TCF7: variants seen among roughly 807,000 people sequenced by gnomAD.
The protein encoded by TCF7 is T-cell-factor-7.
A neutral mutation model predicts 46.8 loss-of-function variants in TCF7; 19 were observed. That is an observed-to-expected ratio of 0.41 (90% CI 0.28 to 0.60). The LOEUF (loss-of-function observed/expected upper bound fraction) is 0.60. Among genes scored for constraint, TCF7 ranks in the 20% least tolerant of loss-of-function variants. The pLI is 0.35. For synonymous variants in TCF7, 245 were observed against 213.4 expected (o/e 1.15, Z -1.29); for missense variants, 547 against 504.6 (o/e 1.08, Z -0.81).
Position 134,115,377 on chromosome 5 carries a change from C to T in TCF7, c.306C>T (p.Pro102=), listed in dbSNP as rs750198488. The T allele has an allele frequency of 7.8e-5, 125 of 1,602,264 alleles. No homozygotes were observed. Among genetic ancestry groups the T allele is most frequent in the Non-Finnish European group, 9.9e-5 (116 of 1,175,230 alleles). The change falls in exon 2 of 10, where the codon CCC becomes CCT. Residue 102 remains proline, a synonymous_variant. Transcript: ENST00000342854. The stretch of plus-strand genomic sequence containing the variant: ...TCTTCCCGGACAAACTTCCAGAGCC[C>T]CTGGAGGACGGTGAGTTTCTGCCCG... ...QRLFPDKLPE[P]LEDGLKAPEC...
rs1291344405 is a variant in TCF7, at chr5:134,146,224, G to A, written c.1076G>A (p.Gly359Glu). 4.3e-6 allele frequency: 7 copies of A among 1,614,170 alleles called. No individual in the cohort carries two copies. The highest frequency in any genetic ancestry group is 1.7e-5 in the Admixed American group (1 of 60,024). Residue 359 changes from glycine (G) to glutamate (E), a missense_variant and splice_region_variant, in exon 10 of 10, where the codon GGA (glycine) becomes GAA (glutamate). Gly to Glu is a moderately conservative substitution (Grantham distance 98, BLOSUM62 -2). This residue lies in a region of TCF7 where 90 missense variants were observed against 88.8 expected (regional missense o/e 1.01). Coordinates refer to ENST00000342854, the MANE Select transcript of TCF7 (RefSeq NM_003202.5). ...SREKHQESTT[G>E]GKRNAFGTYP... ...AGATAACTCTCTTCACTATTCCTAG[G>A]AGGAAAAAGAAATGCATTCGGTACT...
Position 134,114,815 on chromosome 5 carries a change from G to T in TCF7, c.-92G>T. 1 of 977,384 alleles carries T rather than the reference G, an allele frequency of 1.0e-6. No individual in the cohort carries two copies. Among genetic ancestry groups the T allele is most frequent in the Non-Finnish European group, 1.2e-6 (1 of 824,790 alleles). The allele number at this position is 977,384 out of a possible 1,614,324, so 60.5% of individuals were successfully genotyped here. ...CGCCCGCCGCGATCCGAGCTCGGAGGTTCGGACTCCGGGCTCGCCGCCCCC... is the reference window on the plus strand; with the variant it reads ...CGCCCGCCGCGATCCGAGCTCGGAGTTTCGGACTCCGGGCTCGCCGCCCCC... On this transcript the variant is annotated 5_prime_UTR_variant, in exon 1 of 10. Transcript: ENST00000342854.
rs1760857182 is a variant in TCF7 at position 134,147,627 on chromosome 5, G to A, written c.*1324G>A. On this transcript the variant is annotated 3_prime_UTR_variant, in exon 10 of 10. Transcript: ENST00000342854. ...TTTTTGAGCCAAGCTTCAACCCTCA[G>A]CCTTGAAAAACAAGTCTTTAATTTA... 6.6e-6 allele frequency: 1 copy of A among 152,530 alleles called. No individual in the cohort carries two copies. Among genetic ancestry groups the A allele is most frequent in the South Asian group, 2.1e-4 (1 of 4,834 alleles). 9.4% of individuals were successfully genotyped at this position (152,530 alleles called of 1,614,324 possible).
chr5:134,115,416 T>C (rs776484219), intron 2 of TCF7, 29 bp downstream of exon 2: 1 of 1,577,982 alleles, frequency 6.3e-7, no homozygotes, highest in Non-Finnish European at 8.6e-7. Context: ...CGGCTTCCCT[T>C]CGTCGCGCTC....
intron 9 of TCF7, chr5:134,145,462 A>G: frequency 1.8e-6 from 1 of 555,770 alleles, no homozygotes; most frequent in Non-Finnish European, 3.3e-6. Context: ...TCACCATACA[A>G]CAGAGAAATA....
At chr5:134,127,544 T>G (rs1453325367) in intron 3 of TCF7, among the ~76,000 whole-genome samples, 1 of 152,184 alleles carries the variant, frequency 6.6e-6, no homozygotes, top group Non-Finnish European at 1.5e-5. Context: ...CGGGCTGGGC[T>G]AGGGGGTTTC....
At chr5:134,113,122 C>G (rs1209150054), upstream of TCF7, among the ~76,000 whole-genome samples, 3 of 152,204 alleles carry the variant, frequency 2.0e-5, no homozygotes, top group Admixed American at 1.3e-4. Flanking sequence ...GCCGAGCCCC[C>G]CCTTCCCCGC....
intron 4 of TCF7, chr5:134,138,557 A>C: frequency 3.6e-6 from 1 of 277,312 alleles, no homozygotes; most frequent in Non-Finnish European, 6.8e-6. Context: ...AGCTGTGGGA[A>C]ACCTGCTGAC....
At chr5:134,115,874 G>A (rs755045432) in intron 2 of TCF7, 35 bp from the exon 3 acceptor site, 15 of 1,613,350 alleles carry the variant, frequency 9.3e-6, no homozygotes, top group Non-Finnish European at 1.3e-5. Flanking sequence ...CCGCTGCCAG[G>A]GCTGGTGTGT....
intron 5 of TCF7, chr5:134,141,411 G>A (rs1296655162): frequency 1.3e-5 from 2 of 152,322 alleles, no homozygotes; most frequent in African/African-American, 2.4e-5. Context: ...CAGACTCAGT[G>A]CAAATATGCA....
upstream of TCF7, among the ~76,000 whole-genome samples, chr5:134,111,021 G>A (rs1755322565): frequency 6.6e-6 from 1 of 152,218 alleles, no homozygotes; most frequent in Non-Finnish European, 1.5e-5. Context: ...GAATGCACCA[G>A]GCTGCTGTTC....
intron 3 of TCF7, among the ~76,000 whole-genome samples, chr5:134,118,829 T>A (rs1756190801): frequency 6.6e-6 from 1 of 152,192 alleles, no homozygotes; most frequent in Non-Finnish European, 1.5e-5. Flanking sequence ...TTGCCCAGGC[T>A]GGAGTGCAGT....
chr5:134,138,112 T>C lies in TCF7; in HGVS notation c.495T>C (p.His165=). ...HGVPQLSLYE[H]FNSPHPTPAP... ...TCCCCCAACTCTCTCTCTACGAACA[T>C]TTCAACAGCCCACATCCCACCCCTG... Residue 165 remains histidine, a synonymous_variant, in exon 4 of 10, where the codon CAT becomes CAC. Coordinates refer to ENST00000342854, the MANE Select transcript of TCF7 (RefSeq NM_003202.5). 1 of 1,612,800 alleles carries C rather than the reference T, an allele frequency of 6.2e-7. No individual in the cohort carries two copies. The highest frequency in any genetic ancestry group is 8.5e-7 in the Non-Finnish European group (1 of 1,179,450).
At chr5:134,120,888 C>T (rs1422277797) in intron 3 of TCF7, among the ~76,000 whole-genome samples, 1 of 152,244 alleles carries the variant, frequency 6.6e-6, no homozygotes, top group Non-Finnish European at 1.5e-5. Flanking sequence ...GGACCAGCAG[C>T]AGTGCCAGGG....
At chr5:134,138,789 A>AT in intron 4 of TCF7, 162 bp from the exon 5 acceptor site, 1 of 1,175,166 alleles carries the variant, frequency 8.5e-7, no homozygotes, top group Non-Finnish European at 1.2e-6. Flanking sequence ...AAGGGGCACT[A>AT]TTATCACACT....
chr5:134,126,311 C>T (rs879846681), intron 3 of TCF7, among the ~76,000 whole-genome samples: 9 of 152,170 alleles, frequency 5.9e-5, no homozygotes, highest in East Asian at 1.9e-4. Flanking sequence ...TCCCCATGGG[C>T]GGGGGTGTGG....
chr5:134,144,758 C>T lies in TCF7; in HGVS notation c.1075+1118C>T, dbSNP rs557876430. The T allele has an allele frequency of 4.0e-5, 63 of 1,565,458 alleles. No homozygotes were observed. The East Asian group carries it at 1.3e-3, about 33-fold the overall frequency. On this transcript the variant is annotated intron_variant, in intron 9 of 9. Coordinates refer to ENST00000342854, the MANE Select transcript of TCF7 (RefSeq NM_003202.5). ...TGCTCTGCCCCGCTGCCTGCTCGCC[C>T]TCTGCCCTGCTCTACCCCTCTGGCA... is the stretch of plus-strand genomic sequence containing the variant.
intron 5 of TCF7, chr5:134,141,146 G>A (rs55783211): frequency 0.03 from 5,947 of 200,134 alleles, 310 homozygotes; most frequent in African/African-American, 0.12. Flanking sequence ...CTCAGCCCGT[G>A]TGCAGATGTG....
rs1491484805 is a variant in TCF7 at position 134,137,446 on chromosome 5, AAC to A, written c.442-611_442-610del. ...GTCTCAAAAAAAAAAAAAAAAAAAA[AAC>A]AGAGAAAAAAGAAAAGTAAGAGTCC... On this transcript the variant is annotated intron_variant, in intron 3 of 9. Coordinates refer to ENST00000342854, the MANE Select transcript of TCF7 (RefSeq NM_003202.5). Among the ~76,000 whole-genome samples the A allele has an allele frequency of 2.4e-3, 293 of 123,244 alleles. 2 individuals carry two copies. The highest frequency in any genetic ancestry group is 0.02 in the East Asian group (44 of 2,154). The allele number at this position is 123,244 out of a possible 152,430, so 80.9% of individuals were successfully genotyped here.
Sources: gnomAD v4.1 joint callset for allele counts (sites outside exome capture counted in the v4.1 genomes callset) on GRCh38, gnomAD v4.1.1 for gene constraint, gnomAD v4.1.1 regional missense constraint, MANE v1.5 for transcripts, NCBI Gene and HGNC (gene_info 2026-07-23, HGNC 2026-07-21) for gene names.